ARFGAP1: variants seen among roughly 807,000 people sequenced by gnomAD.
ARFGAP1 encodes ADP-ribosylation factor GTPase-activating protein 1.
Under a neutral mutation model 54.0 loss-of-function variants are expected in ARFGAP1, and 26 were observed. The ratio of observed to expected loss-of-function variants is 0.48; its 90% confidence interval spans 0.35 to 0.67. The LOEUF is 0.67. Ranked by LOEUF, ARFGAP1 falls within the 30% of genes least tolerant of loss-of-function variation. The pLI is 0.00. For synonymous variants in ARFGAP1, 248 were observed against 211.9 expected (o/e 1.17, Z -1.48); for missense variants, 525 against 535.8 (o/e 0.98, Z 0.20).
chr20:63,278,749 C>T, intron 6 of ARFGAP1, 150 bp from the exon 7 acceptor site: 1 of 651,340 alleles, frequency 1.5e-6, no homozygotes, highest in Non-Finnish European at 2.7e-6. Context: ...CATCTCTCTG[C>T]TGCCACAGGA....
At chr20:63,273,032 C>T (rs1267415762) in intron 1 of ARFGAP1, 112 bp downstream of exon 1, 1 of 152,156 alleles carries the variant, frequency 6.6e-6, no homozygotes, top group Non-Finnish European at 1.5e-5. Flanking sequence ...ACCCGGACCC[C>T]GCTCCACCCT....
At chr20:63,278,299 A>C (rs1040597871) in intron 6 of ARFGAP1, 96 bp downstream of exon 6, 2 of 1,312,540 alleles carry the variant, frequency 1.5e-6, no homozygotes, top group Non-Finnish European at 2.2e-6. Flanking sequence ...TCCCATGTGC[A>C]GTGGGTGTGG....
At chr20:63,278,065 C>T in intron 5 of ARFGAP1, 52 bp from the exon 6 acceptor site, 1 of 1,562,562 alleles carries the variant, frequency 6.4e-7, no homozygotes, top group Non-Finnish European at 8.8e-7. Context: ...TCTGGGGTTA[C>T]CTCAGACTTC....
chr20:63,288,897 G>A lies in ARFGAP1; in HGVS notation c.*1024G>A, dbSNP rs1023153753. Reference sequence around the variant, plus strand: ...CGCCCGAAGCTCGTGCAGTTTGTACGTGAGGTGCTCTCCTCCCTGCCACCA... The same window carrying A: ...CGCCCGAAGCTCGTGCAGTTTGTACATGAGGTGCTCTCCTCCCTGCCACCA... On this transcript the variant is annotated 3_prime_UTR_variant, in exon 13 of 13. Coordinates refer to ENST00000370283, the MANE Select transcript of ARFGAP1 (RefSeq NM_018209.4). The A allele has an allele frequency of 1.5e-5, 4 of 259,336 alleles. No individual in the cohort carries two copies. Among genetic ancestry groups the A allele is most frequent in the East Asian group, 8.9e-5 (1 of 11,226 alleles). The allele number at this position is 259,336 out of a possible 1,614,324, so 16.1% of individuals were successfully genotyped here. A position where few individuals can be genotyped will look rare whatever the true frequency, so the allele number is the denominator to read the frequency against.
Position 63,278,317 on chromosome 20 carries a change from G to A in ARFGAP1, c.530+114G>A, listed in dbSNP as rs993967283. ...CATGTGCAGTGGGTGTGGGACCCAG[G>A]CATGCGCGGTGCAGGGTCTGATTGC... On this transcript the variant is annotated intron_variant, in intron 6 of 12. Coordinates refer to ENST00000370283, the MANE Select transcript of ARFGAP1 (RefSeq NM_018209.4). The A allele has an allele frequency of 4.5e-5, 48 of 1,075,376 alleles. 1 individual carries two copies. The highest frequency in any genetic ancestry group is 1.5e-4 in the Admixed American group (8 of 53,106). 66.6% of individuals were successfully genotyped at this position (1,075,376 alleles called of 1,614,324 possible).
rs1333161650 is a variant in ARFGAP1, at chr20:63,277,218, C to T, written c.356C>T (p.Ala119Val). 1.2e-6 allele frequency: 2 copies of T among 1,612,342 alleles called. No homozygotes were observed. The highest frequency in any genetic ancestry group is 1.7e-6 in the Non-Finnish European group (2 of 1,179,830). The change falls in exon 5 of 13, where the codon GCC (alanine) becomes GTC (valine). Residue 119 changes from alanine (A) to valine (V), a missense_variant. Ala to Val is a moderately conservative substitution (Grantham distance 64). Coordinates refer to ENST00000370283, the MANE Select transcript of ARFGAP1 (RefSeq NM_018209.4). ...TCTCCTTGTCAGGTGGTCGCTCTGG[C>T]CGAAGGCAGAGAGTGGTCTCTGGAG... The part of the protein sequence containing the change: ...ALFRDKVVAL[A>V]EGREWSLESS...
At chr20:63,283,225 G>GA in intron 9 of ARFGAP1, 1 of 331,634 alleles carries the variant, frequency 3.0e-6, no homozygotes, top group Non-Finnish European at 5.6e-6. Context: ...GCGGCACACT[G>GA]GACGCGTCTG....
At chr20:63,285,419 T>C in intron 10 of ARFGAP1, 1 of 587,806 alleles carries the variant, frequency 1.7e-6, no homozygotes, top group South Asian at 2.0e-5. Flanking sequence ...CGTTGCTATT[T>C]GTCAGCAGTG....
chr20:63,285,837 C>A, intron 11 of ARFGAP1, 124 bp downstream of exon 11: 1 of 1,488,198 alleles, frequency 6.7e-7, no homozygotes, highest in South Asian at 1.2e-5. Flanking sequence ...CCGCTGTCCT[C>A]TGAGACGGGA....
intron 9 of ARFGAP1, chr20:63,284,058 C>T: frequency 7.0e-7 from 1 of 1,424,712 alleles, no homozygotes; most frequent in East Asian, 2.6e-5. Context: ...CTGCATCAGG[C>T]TTGGCTGTGT....
rs748442587 is a variant in ARFGAP1, at chr20:63,278,883, T to C, written c.531-16T>C. 6 of 1,613,784 alleles carry C rather than the reference T, an allele frequency of 3.7e-6. No homozygotes were observed. The highest frequency in any genetic ancestry group is 3.3e-5 in the Admixed American group (2 of 60,016). On this transcript the variant is annotated splice_polypyrimidine_tract_variant and intron_variant, in intron 6 of 12. Transcript: ENST00000370283. ...TCATGCCAGCATCTTCGGCCTCTTG[T>C]CCGCTTTGTTTTCAGGGCCCAGGGG...
rs2067628927 is a variant in ARFGAP1 at position 63,288,531 on chromosome 20, G to A, written c.*658G>A. ...TTCACCAGACACGGCCTCCACAATA[G>A]CCACACCCACACCTGAGCTGTTCTC... On this transcript the variant is annotated 3_prime_UTR_variant, in exon 13 of 13. Coordinates refer to ENST00000370283, the MANE Select transcript of ARFGAP1 (RefSeq NM_018209.4). 1 of 455,870 alleles carries A rather than the reference G, an allele frequency of 2.2e-6. No homozygotes were observed. The highest frequency in any genetic ancestry group is 1.5e-5 in the South Asian group (1 of 64,552). The allele number at this position is 455,870 out of a possible 1,614,324, so 28.2% of individuals were successfully genotyped here.
Position 63,276,334 on chromosome 20 carries a change from C to T in ARFGAP1, c.170+134C>T, listed in dbSNP as rs550426813. The stretch of plus-strand genomic sequence containing the variant: ...GCATTGCCAGTGTCCACTCTAGTGA[C>T]GCCATGGCACAGAGTTCCAGCTGCT... On this transcript the variant is annotated intron_variant, in intron 3 of 12. Transcript: ENST00000370283. The surrounding 1 kb of genome is among the most constrained non-coding windows in gnomAD (Gnocchi z 5.2). 1.4e-4 allele frequency: 196 copies of T among 1,358,200 alleles called. 2 individuals are homozygous for T. In the South Asian group the frequency reaches 2.2e-3, roughly 15 times the overall value. The allele number at this position is 1,358,200 out of a possible 1,614,324, so 84.1% of individuals were successfully genotyped here.
intron 10 of ARFGAP1, among the ~76,000 whole-genome samples, chr20:63,285,192 A>T (rs1403320673): frequency 2.0e-5 from 3 of 149,346 alleles, no homozygotes; most frequent in Non-Finnish European, 3.0e-5. Context: ...TCACCCCTAC[A>T]GCTGGCCCCA....
chr20:63,280,705 CCCTT>C lies in ARFGAP1; in HGVS notation c.628-580_628-577del, dbSNP rs1438880115. Among the ~76,000 whole-genome samples, 4 of 152,206 alleles carry C rather than the reference CCCTT, an allele frequency of 2.6e-5. No individual in the cohort carries two copies. In the East Asian group the frequency reaches 5.8e-4, roughly 22 times the overall value. On this transcript the variant is annotated intron_variant, in intron 7 of 12. Coordinates refer to ENST00000370283, the MANE Select transcript of ARFGAP1 (RefSeq NM_018209.4). ...CTGTGTGTGGGCTTCATTTTTGTGG[CCCTT>C]CCTTCTGCTGCCTTTTGCTGGGAAG...
Position 63,284,784 on chromosome 20 carries a change from C to T in ARFGAP1, c.718-82C>T, listed in dbSNP as rs1053177080. ...TCCTGCTGGTGAAGCTCGTGCTGCC[C>T]TTTGCTGGCCTGTGCTGCCACTGCC... On this transcript the variant is annotated intron_variant, in intron 9 of 12. Transcript: ENST00000370283. 4.4e-6 allele frequency: 7 copies of T among 1,580,886 alleles called. No homozygotes were observed. The African/African-American group carries it at 9.4e-5, about 21-fold the overall frequency.
Position 63,281,439 on chromosome 20 carries a change from A to G in ARFGAP1, c.684+92A>G, listed in dbSNP as rs1393128740. ...TGGGGTTCTGGGAGCTGCAGAAGGGATGTGGGACACAGAGGGTTTCTGGGT... is the reference window on the plus strand; with the variant it reads ...TGGGGTTCTGGGAGCTGCAGAAGGGGTGTGGGACACAGAGGGTTTCTGGGT... On this transcript the variant is annotated intron_variant, in intron 8 of 12. Coordinates refer to ENST00000370283, the MANE Select transcript of ARFGAP1 (RefSeq NM_018209.4). 2.8e-6 allele frequency: 4 copies of G among 1,439,260 alleles called. No homozygotes were observed. The East Asian group carries it at 9.8e-5, about 35-fold the overall frequency. The allele number at this position is 1,439,260 out of a possible 1,614,324, so 89.2% of individuals were successfully genotyped here.
chr20:63,280,883 A>C (rs1025124961), intron 7 of ARFGAP1, among the ~76,000 whole-genome samples: 1 of 152,216 alleles, frequency 6.6e-6, no homozygotes, highest in African/African-American at 2.4e-5. Context: ...CTCAGAAGGA[A>C]ACCCTGAGCA....
In ARFGAP1 at chr20:63,275,037, C is replaced by T. The variant is rs2067197871; in HGVS notation, c.-4-540C>T. 2.0e-5 allele frequency among the ~76,000 whole-genome samples: 3 copies of T among 152,222 alleles called. No homozygotes were observed. In the South Asian group the frequency reaches 6.2e-4, roughly 31 times the overall value. Reference sequence around the variant, plus strand: ...GACCTACTGCAGGTCCCCCAGCAGGCTGGACTTTCCACACACTCCAGGCAG... The same window carrying T: ...GACCTACTGCAGGTCCCCCAGCAGGTTGGACTTTCCACACACTCCAGGCAG... On this transcript the variant is annotated intron_variant, in intron 1 of 12. Coordinates refer to ENST00000370283, the MANE Select transcript of ARFGAP1 (RefSeq NM_018209.4).
Sources: allele counts gnomAD v4.1 joint callset (sites outside exome capture counted in the v4.1 genomes callset), GRCh38; gene constraint gnomAD v4.1.1; non-coding constraint Gnocchi (gnomAD v3.1); transcripts MANE v1.5; gene names NCBI Gene and HGNC (gene_info 2026-07-23, HGNC 2026-07-21).